ZNF423: variants seen among roughly 807,000 people sequenced by gnomAD.
ZNF423 encodes zinc finger protein 423.
ZNF423 carries 12 observed loss-of-function variants against 95.8 expected under a neutral mutation model. The ratio of observed to expected loss-of-function variants is 0.13; its 90% CI spans 0.08 to 0.20. ZNF423 has a LOEUF of 0.20. ZNF423 is among the 10% of genes least tolerant of loss of function. The pLI is 1.00. For missense variants in ZNF423, 1,316 were observed against 1,737.1 expected (o/e 0.76, Z 4.31); for synonymous variants, 749 against 711.9 (o/e 1.05, Z -0.83).
chr16:49,635,408 C>T lies in ZNF423; in HGVS notation c.3516+252G>A, dbSNP rs142223814. ...CTCTGAGGTTGGGACAATTATTATT[C>T]CCATTTTATACATTAGCATTTGACA... On this transcript the variant is annotated intron_variant, in intron 4 of 7. Transcript: ENST00000563137. This position sits in a 1 kb window ranked among gnomAD's most constrained non-coding sequence, Gnocchi z 4.8. 2.3e-3 allele frequency among the ~76,000 whole-genome samples: 344 copies of T among 152,338 alleles called. 2 individuals are homozygous for T. Among genetic ancestry groups the T allele is most frequent in the African/African-American group, 7.8e-3 (325 of 41,588 alleles).
At chr16:49,534,925 A>G (rs1969001587) in intron 5 of ZNF423, among the ~76,000 whole-genome samples, 1 of 152,136 alleles carries the variant, frequency 6.6e-6, no homozygotes, top group Non-Finnish European at 1.5e-5. Flanking sequence ...TTCGGGCCAT[A>G]TGAGTTGACT....
intron 1 of ZNF423, among the ~76,000 whole-genome samples, chr16:49,836,489 T>C (rs2035121792): frequency 6.6e-6 from 1 of 152,086 alleles, no homozygotes; most frequent in Admixed American, 6.6e-5. Context: ...GGCATGGTGC[T>C]GGCTCACCAG....
At chr16:49,605,767 G>C (rs1186339259) in intron 5 of ZNF423, among the ~76,000 whole-genome samples, 1 of 152,172 alleles carries the variant, frequency 6.6e-6, no homozygotes, top group Non-Finnish European at 1.5e-5. Context: ...GGCCCCCGTT[G>C]TCACTGGCAG....
intron 5 of ZNF423, among the ~76,000 whole-genome samples, chr16:49,608,448 T>C (rs1284270583): frequency 6.6e-6 from 1 of 152,230 alleles, no homozygotes; most frequent in Non-Finnish European, 1.5e-5. Context: ...TTGCCTGTGC[T>C]GCTTCCAGAT....
At chr16:49,731,516 C>T (rs1376450410) in intron 2 of ZNF423, 1 of 279,180 alleles carries the variant, frequency 3.6e-6, no homozygotes. Flanking sequence ...GAATCTCAAG[C>T]TTAAAATGCA....
At chr16:49,797,129 C>T (rs955072743) in intron 1 of ZNF423, among the ~76,000 whole-genome samples, 1 of 152,058 alleles carries the variant, frequency 6.6e-6, no homozygotes, top group Non-Finnish European at 1.5e-5. Flanking sequence ...GCCAAGGCCA[C>T]AACAGGTAAA....
In ZNF423 at chr16:49,636,764, C is replaced by A; in HGVS notation, c.2412G>T (p.Leu804=). 6.2e-7 allele frequency: 1 copy of A among 1,614,038 alleles called. No individual in the cohort carries two copies. Among genetic ancestry groups the A allele is most frequent in the Non-Finnish European group, 8.5e-7 (1 of 1,179,958 alleles). ...TGCTGTGTGTGGTGATGTGGCACTG[C>A]AGCTCCACCTCGGTGCTGAAGGTCT... is the stretch of plus-strand genomic sequence containing the variant. ...CGETFSTEVE[L]QCHITTHSKK... is the part of the protein sequence containing the mutation. Residue 804 remains leucine, a synonymous_variant, in exon 4 of 8, where the codon CTG becomes CTT. Coordinates refer to ENST00000563137, the MANE Select transcript of ZNF423 (RefSeq NM_001379286.1). The surrounding 1 kb of genome is among the most constrained non-coding windows in gnomAD (Gnocchi z 8.6).
At chr16:49,853,138 G>C (rs149075787) in intron 1 of ZNF423, among the ~76,000 whole-genome samples, 202 of 152,264 alleles carry the variant, frequency 1.3e-3, no homozygotes, top group African/African-American at 4.6e-3. Context: ...CACAGCAGTG[G>C]AGGCAAAATA....
intron 7 of ZNF423, among the ~76,000 whole-genome samples, chr16:49,521,072 T>G (rs1968377769): frequency 6.6e-6 from 1 of 152,038 alleles, no homozygotes; most frequent in Non-Finnish European, 1.5e-5. Context: ...CAGCTCGAGA[T>G]AGGTGGGATC....
chr16:49,663,515 C>G (rs55949748), intron 3 of ZNF423, among the ~76,000 whole-genome samples: 2,094 of 151,268 alleles, frequency 0.014, 54 homozygotes, highest in African/African-American at 0.047. Context: ...GGGACCAGTG[C>G]CCGGGATGGG....
At chr16:49,833,394 A>G (rs1418237291) in intron 1 of ZNF423, among the ~76,000 whole-genome samples, 1 of 152,248 alleles carries the variant, frequency 6.6e-6, no homozygotes, top group Non-Finnish European at 1.5e-5. Flanking sequence ...TTTGTTTCCT[A>G]AGAACAATCA....
intron 7 of ZNF423, among the ~76,000 whole-genome samples, chr16:49,499,100 T>G (rs111236992): frequency 0.018 from 2,719 of 152,230 alleles, 76 homozygotes; most frequent in African/African-American, 0.062. Context: ...AAGCCGAGGT[T>G]TGCCTCATTT....
chr16:49,565,855 G>C lies in ZNF423; in HGVS notation c.3602-40361C>G, dbSNP rs540419843. Among the ~76,000 whole-genome samples, 16 of 151,148 alleles carry C rather than the reference G, an allele frequency of 1.1e-4. 1 individual carries two copies. The South Asian group carries it at 2.3e-3, about 22-fold the overall frequency. ...AAAAGTAGGAAAATAAAATGGAAAA[G>C]ATAAGGATGGAAGGAGAGAATGGAG... is the stretch of plus-strand genomic sequence containing the variant. On this transcript the variant is annotated intron_variant, in intron 5 of 7. Transcript: ENST00000563137.
At position 49,636,734 on chromosome 16, in the gene ZNF423, C is replaced by T. The variant is rs199874154; in HGVS notation, c.2442G>A (p.Lys814=). 1.7e-5 allele frequency: 27 copies of T among 1,614,062 alleles called. No homozygotes were observed. The East Asian group carries it at 5.6e-4, about 33-fold the overall frequency. Reference sequence around the variant, plus strand: ...CCTTGCTGCAGAACTTACAGTTATACTTCTTGCTGTGTGTGGTGATGTGGC... The same window carrying T: ...CCTTGCTGCAGAACTTACAGTTATATTTCTTGCTGTGTGTGGTGATGTGGC... ...LQCHITTHSK[K]YNCKFCSKAF... is the part of the protein sequence containing the mutation. The change falls in exon 4 of 8, where the codon AAG becomes AAA. Residue 814 remains lysine (K), a synonymous_variant. Coordinates refer to ENST00000563137, the MANE Select transcript of ZNF423 (RefSeq NM_001379286.1). This position sits in a 1 kb window ranked among gnomAD's most constrained non-coding sequence, Gnocchi z 8.6.
chr16:49,503,152 C>G (rs1039449564), intron 7 of ZNF423, among the ~76,000 whole-genome samples: 1 of 152,042 alleles, frequency 6.6e-6, no homozygotes, highest in African/African-American at 2.4e-5. Context: ...CTTTGGCCTT[C>G]TGTCTACCCT....
At chr16:49,839,491 A>G (rs2035160196) in intron 1 of ZNF423, among the ~76,000 whole-genome samples, 2 of 152,190 alleles carry the variant, frequency 1.3e-5, no homozygotes, top group Admixed American at 6.5e-5. Flanking sequence ...TGGCGCTCAC[A>G]GCAGGCAGGC....
At chr16:49,600,225 C>T (rs988381319) in intron 5 of ZNF423, among the ~76,000 whole-genome samples, 7 of 151,872 alleles carry the variant, frequency 4.6e-5, no homozygotes, top group African/African-American at 9.7e-5. Context: ...GGCAGAAGAG[C>T]GGCTTGAACC....
At chr16:49,534,264 T>G (rs1968973184) in intron 5 of ZNF423, among the ~76,000 whole-genome samples, 1 of 151,686 alleles carries the variant, frequency 6.6e-6, no homozygotes, top group South Asian at 2.1e-4. Context: ...TTTTTTTTGT[T>G]TGCTTTTGAG....
At chr16:49,777,878 A>G (rs898718115) in intron 2 of ZNF423, among the ~76,000 whole-genome samples, 8 of 152,178 alleles carry the variant, frequency 5.3e-5, no homozygotes, top group African/African-American at 1.9e-4. Context: ...TTATTTTTTA[A>G]TTGTTATTGT....
Sources: gnomAD v4.1 joint callset for allele counts (sites outside exome capture counted in the v4.1 genomes callset) on GRCh38, gnomAD v4.1.1 for gene constraint, Gnocchi (gnomAD v3.1) non-coding constraint, MANE v1.5 for transcripts, NCBI Gene and HGNC (gene_info 2026-07-23, HGNC 2026-07-21) for gene names.